PDE4D: variants seen among roughly 807,000 people sequenced by gnomAD.
The protein encoded by PDE4D is phosphodiesterase 4D.
In PDE4D, 24 loss-of-function variants were observed where a neutral mutation model predicts 87.4. That is an observed-to-expected ratio of 0.27 (90% CI 0.20 to 0.39). The LOEUF (loss-of-function observed/expected upper bound fraction) is 0.39. PDE4D is among the 10% of genes least tolerant of loss of function. The pLI is 1.00. For synonymous variants in PDE4D, 384 were observed against 383.2 expected (o/e 1.00, Z -0.02); for missense variants, 714 against 1,041.0 (o/e 0.69, Z 4.32).
Position 59,791,912 on chromosome 5 carries a change from G to A in PDE4D, c.455+101256C>T, listed in dbSNP as rs561008286. On this transcript the variant is annotated intron_variant, in intron 1 of 14. Transcript: ENST00000340635. ...CTCCTGGGATGTTATGAGACAAAACGAGAGAATGTGTGAGAAACTGCCCTG... is the reference window on the plus strand; with the variant it reads ...CTCCTGGGATGTTATGAGACAAAACAAGAGAATGTGTGAGAAACTGCCCTG... 9.9e-5 allele frequency among the ~76,000 whole-genome samples: 15 copies of A among 152,228 alleles called. No homozygotes were observed. The East Asian group carries it at 2.7e-3, about 27-fold the overall frequency.
intron 1 of PDE4D, among the ~76,000 whole-genome samples, chr5:60,407,886 G>A (rs1038167192): frequency 3.3e-5 from 5 of 152,128 alleles, no homozygotes; most frequent in Middle Eastern, 3.2e-3. Context: ...CCTTGAACTC[G>A]GTGGGTTTTG....
At chr5:60,420,130 A>G (rs1742962691) in intron 1 of PDE4D, among the ~76,000 whole-genome samples, 1 of 152,208 alleles carries the variant, frequency 6.6e-6, no homozygotes, top group Admixed American at 6.5e-5. Context: ...TAATGCTGGA[A>G]GAAGAATAGT....
At chr5:59,930,940 G>T (rs1366248131) in intron 3 of PDE4D, among the ~76,000 whole-genome samples, 1 of 151,944 alleles carries the variant, frequency 6.6e-6, no homozygotes, top group African/African-American at 2.4e-5. Context: ...CTTCAAGCTA[G>T]AAAAAAATAT....
At chr5:59,514,214 T>A (rs1200729433) in intron 1 of PDE4D, among the ~76,000 whole-genome samples, 1 of 151,694 alleles carries the variant, frequency 6.6e-6, no homozygotes, top group Non-Finnish European at 1.5e-5. Flanking sequence ...CACACCATTC[T>A]CCTGCCTCAG....
intron 1 of PDE4D, among the ~76,000 whole-genome samples, chr5:59,614,832 CA>C (rs1320632630): frequency 1.3e-5 from 2 of 150,394 alleles, no homozygotes; most frequent in African/African-American, 4.9e-5. Flanking sequence ...ATGTGGCTTT[CA>C]TTTTTTTTTT....
chr5:59,516,193 A>G (rs975774911), intron 1 of PDE4D, among the ~76,000 whole-genome samples: 2 of 152,212 alleles, frequency 1.3e-5, no homozygotes, highest in African/African-American at 4.8e-5. Flanking sequence ...AGCATCTTCT[A>G]GGCAAATGAT....
intron 2 of PDE4D, among the ~76,000 whole-genome samples, chr5:60,040,832 A>G (rs1768393425): frequency 6.6e-6 from 1 of 152,204 alleles, no homozygotes. Context: ...CATTTACTGA[A>G]AAACTCAATG....
chr5:59,161,927 G>A (rs1330733132), intron 5 of PDE4D, among the ~76,000 whole-genome samples: 2 of 152,190 alleles, frequency 1.3e-5, no homozygotes, highest in Admixed American at 1.3e-4. Context: ...AGACCTGCTA[G>A]CTTAACTTTT....
At chr5:60,424,082 A>G (rs1168057937) in intron 1 of PDE4D, among the ~76,000 whole-genome samples, 1 of 152,238 alleles carries the variant, frequency 6.6e-6, no homozygotes, top group African/African-American at 2.4e-5. Flanking sequence ...GACCCGATGG[A>G]TTCACAGCTG....
At chr5:59,861,855 G>A (rs1746332094) in intron 1 of PDE4D, among the ~76,000 whole-genome samples, 1 of 152,210 alleles carries the variant, frequency 6.6e-6, no homozygotes, top group East Asian at 1.9e-4. Flanking sequence ...AAAGCTTTGT[G>A]AAATCAGGAC....
chr5:60,494,150 C>T (rs945995744), intron 1 of PDE4D, among the ~76,000 whole-genome samples: 1 of 152,060 alleles, frequency 6.6e-6, no homozygotes, highest in Admixed American at 6.6e-5. Flanking sequence ...TAGAAATGAT[C>T]GTATATTTGA....
intron 1 of PDE4D, among the ~76,000 whole-genome samples, chr5:60,214,796 C>T (rs1162310405): frequency 6.6e-6 from 1 of 152,050 alleles, no homozygotes; most frequent in Middle Eastern, 3.2e-3. Context: ...TAAAAGGAGA[C>T]ATTTAAACCT....
intron 5 of PDE4D, among the ~76,000 whole-genome samples, chr5:59,122,488 A>G (rs1489793207): frequency 6.6e-6 from 1 of 152,214 alleles, no homozygotes; most frequent in Non-Finnish European, 1.5e-5. Context: ...ATAGCAGATT[A>G]GGTGACTAGA....
At chr5:59,429,298 C>T (rs73097307) in intron 1 of PDE4D, among the ~76,000 whole-genome samples, 3 of 152,078 alleles carry the variant, frequency 2.0e-5, no homozygotes, top group African/African-American at 7.2e-5. Context: ...TGCTGCTAGC[C>T]GGTCATAAAG....
chr5:60,483,016 G>T (rs780957669), intron 1 of PDE4D, among the ~76,000 whole-genome samples: 1 of 152,138 alleles, frequency 6.6e-6, no homozygotes, highest in Non-Finnish European at 1.5e-5. Flanking sequence ...GGTACTCTAG[G>T]TTCCTGTCAC....
chr5:60,216,356 TTG>T (rs1743850228), intron 1 of PDE4D, among the ~76,000 whole-genome samples: 1 of 152,140 alleles, frequency 6.6e-6, no homozygotes, highest in African/African-American at 2.4e-5. Flanking sequence ...CATCTATTAT[TTG>T]TGTCTGCCCA....
At chr5:60,388,782 C>A (rs1289010500) in intron 1 of PDE4D, among the ~76,000 whole-genome samples, 1 of 152,142 alleles carries the variant, frequency 6.6e-6, no homozygotes, top group Admixed American at 6.5e-5. Context: ...AGTGCCCCAA[C>A]ATTATAACAA....
chr5:59,730,935 C>T (rs1180947681), intron 1 of PDE4D, among the ~76,000 whole-genome samples: 8 of 152,036 alleles, frequency 5.3e-5, no homozygotes, highest in Non-Finnish European at 7.4e-5. Context: ...TTTGAAAACC[C>T]TTATGTTATA....
chr5:59,313,204 AC>A (rs1304068673), intron 1 of PDE4D, among the ~76,000 whole-genome samples: 1 of 152,126 alleles, frequency 6.6e-6, no homozygotes, highest in Non-Finnish European at 1.5e-5. Flanking sequence ...CTTTGTGCTA[AC>A]CTTTTTCTCT....
Sources: gnomAD v4.1 joint callset for allele counts (sites outside exome capture counted in the v4.1 genomes callset) on GRCh38, gnomAD v4.1.1 for gene constraint, MANE v1.5 for transcripts, NCBI Gene and HGNC (gene_info 2026-07-23, HGNC 2026-07-21) for gene names.